SLC35F4: variants seen among roughly 807,000 people sequenced by gnomAD.
SLC35F4 encodes chromosome 14 open reading frame 36.
Under a neutral mutation model 44.2 loss-of-function variants are expected in SLC35F4, and 24 were observed. The ratio of observed to expected loss-of-function variants is 0.54; its 90% CI spans 0.39 to 0.76. SLC35F4 has a LOEUF of 0.76. SLC35F4 is among the 30% of genes least tolerant of loss of function. SLC35F4 has a pLI of 0.00. For synonymous variants in SLC35F4, 238 were observed against 223.6 expected (o/e 1.06, Z -0.57); for missense variants, 562 against 586.1 (o/e 0.96, Z 0.42).
At chr14:57,970,027 C>A (rs149381180) in intron 1 of SLC35F4, among the ~76,000 whole-genome samples, 1 of 152,290 alleles carries the variant, frequency 6.6e-6, no homozygotes, top group African/African-American at 2.4e-5. Flanking sequence ...GAAAATTAGA[C>A]CCAAATTTAA....
intron 1 of SLC35F4, among the ~76,000 whole-genome samples, chr14:57,741,693 C>A (rs866299924): frequency 1.2e-4 from 19 of 152,248 alleles, no homozygotes; most frequent in Middle Eastern, 6.8e-3. Context: ...ACTTCCCAAA[C>A]CTAGCAAGGA....
intron 1 of SLC35F4, among the ~76,000 whole-genome samples, chr14:57,762,949 A>G (rs1036669252): frequency 1.3e-5 from 2 of 152,182 alleles, no homozygotes; most frequent in Admixed American, 6.6e-5. Context: ...CAGTAATACA[A>G]GTAATGTTTA....
At chr14:57,768,032 G>A (rs545286882) in intron 1 of SLC35F4, among the ~76,000 whole-genome samples, 2 of 152,114 alleles carry the variant, frequency 1.3e-5, no homozygotes, top group Non-Finnish European at 2.9e-5. Context: ...GGAAAAGAAA[G>A]TTTTAGGTTG....
intron 1 of SLC35F4, among the ~76,000 whole-genome samples, chr14:57,828,037 G>A (rs1024717775): frequency 6.6e-6 from 1 of 152,036 alleles, no homozygotes; most frequent in Non-Finnish European, 1.5e-5. Flanking sequence ...TCCATTAAAG[G>A]GACCTGCAGA....
intron 1 of SLC35F4, among the ~76,000 whole-genome samples, chr14:57,962,222 T>C (rs142116277): frequency 1.6e-3 from 245 of 152,274 alleles, no homozygotes; most frequent in African/African-American, 5.7e-3. Context: ...ACATTACAAC[T>C]ATACAGTGAG....
At chr14:57,733,665 A>G (rs2076400465) in intron 1 of SLC35F4, among the ~76,000 whole-genome samples, 1 of 152,088 alleles carries the variant, frequency 6.6e-6, no homozygotes, top group South Asian at 2.1e-4. Flanking sequence ...TTAAAATGCA[A>G]AAGCTGAATT....
chr14:57,895,729 C>G (rs1259170631), intron 1 of SLC35F4, among the ~76,000 whole-genome samples: 1 of 151,406 alleles, frequency 6.6e-6, no homozygotes, highest in East Asian at 1.9e-4. Flanking sequence ...GCCTGTGGAG[C>G]TATGAGTCAA....
chr14:57,753,219 T>C (rs1489561287), intron 1 of SLC35F4, among the ~76,000 whole-genome samples: 3 of 152,208 alleles, frequency 2.0e-5, no homozygotes, highest in Non-Finnish European at 4.4e-5. Flanking sequence ...TATAATCTTC[T>C]TGGGATTGTG....
intron 1 of SLC35F4, among the ~76,000 whole-genome samples, chr14:57,915,313 G>A (rs181992211): frequency 3.4e-4 from 52 of 152,234 alleles, no homozygotes; most frequent in Admixed American, 2.1e-3. Context: ...TTCTCCCAAC[G>A]TCCTGATGAA....
At chr14:57,856,970 T>C (rs1050272850) in intron 1 of SLC35F4, among the ~76,000 whole-genome samples, 24 of 152,018 alleles carry the variant, frequency 1.6e-4, no homozygotes, top group Non-Finnish European at 8.8e-5. Flanking sequence ...CTACTCTGTG[T>C]TTTTTAAAAA....
At chr14:57,830,886 G>T (rs924694521) in intron 1 of SLC35F4, among the ~76,000 whole-genome samples, 11 of 152,142 alleles carry the variant, frequency 7.2e-5, no homozygotes, top group African/African-American at 1.9e-4. Flanking sequence ...ACTGAACACA[G>T]TGCCCATTTC....
At chr14:57,610,288 A>G (rs1252310721) in intron 1 of SLC35F4, among the ~76,000 whole-genome samples, 1 of 152,200 alleles carries the variant, frequency 6.6e-6, no homozygotes, top group South Asian at 2.1e-4. Context: ...TGGGATTAAT[A>G]AAAGTGAGAA....
At chr14:57,834,937 G>A (rs537235793) in intron 1 of SLC35F4, among the ~76,000 whole-genome samples, 1 of 152,232 alleles carries the variant, frequency 6.6e-6, no homozygotes, top group African/African-American at 2.4e-5. Context: ...GCTGAGGCAG[G>A]AGAATTGCTT....
chr14:57,646,949 TC>T (rs1301297992), intron 1 of SLC35F4, among the ~76,000 whole-genome samples: 1 of 152,214 alleles, frequency 6.6e-6, no homozygotes. Context: ...AGTTTCTTAA[TC>T]CTCAGTCCTA....
chr14:57,835,340 T>G (rs755984205), intron 1 of SLC35F4, among the ~76,000 whole-genome samples: 5 of 152,148 alleles, frequency 3.3e-5, no homozygotes, highest in African/African-American at 4.8e-5. Flanking sequence ...TACAGCTACT[T>G]CTCAACAATT....
Position 57,594,013 on chromosome 14 carries a change from G to T in SLC35F4, c.215C>A (p.Ala72Asp), listed in dbSNP as rs775627076. 15 of 1,613,824 alleles carry T rather than the reference G, an allele frequency of 9.3e-6. No homozygotes were observed. The highest frequency in any genetic ancestry group is 1.3e-5 in the African/African-American group (1 of 74,920). ...TTGGTTTTGAAGTTCAAGAATAGGA[G>T]CAGAGGAATCTTCGGTGACAGACAG... ...SPLSVTEDSS[A>D]PILELQNQGS... is the part of the protein sequence containing the mutation. The change falls in exon 2 of 8, where the codon GCT (alanine) becomes GAT (aspartate). Residue 72 changes from alanine to aspartate, a missense_variant. By Grantham distance (126) the Ala-to-Asp change is moderately radical. Coordinates refer to ENST00000556826, the MANE Select transcript of SLC35F4 (RefSeq NM_001306087.2).
intron 1 of SLC35F4, among the ~76,000 whole-genome samples, chr14:57,790,090 A>G (rs1225298831): frequency 6.6e-6 from 1 of 152,226 alleles, no homozygotes; most frequent in Non-Finnish European, 1.5e-5. Context: ...GGCATAAGAC[A>G]AGGATGCCCT....
At chr14:57,957,106 C>T (rs11851894) in intron 1 of SLC35F4, among the ~76,000 whole-genome samples, 11 of 151,940 alleles carry the variant, frequency 7.2e-5, no homozygotes, top group Admixed American at 1.3e-4. Flanking sequence ...AATACTATGC[C>T]GCCATAAAAA....
intron 1 of SLC35F4, among the ~76,000 whole-genome samples, chr14:57,770,111 G>T (rs1034615212): frequency 7.2e-5 from 11 of 152,116 alleles, no homozygotes; most frequent in Non-Finnish European, 1.5e-4. Context: ...GGTTCCAGGT[G>T]ACTCCTCTGG....
Sources: gnomAD v4.1 joint callset for allele counts (sites outside exome capture counted in the v4.1 genomes callset) on GRCh38, gnomAD v4.1.1 for gene constraint, MANE v1.5 for transcripts, NCBI Gene and HGNC (gene_info 2026-07-23, HGNC 2026-07-21) for gene names.